Variants in TM7SF3 observed in about 807,000 individuals in gnomAD.
The protein encoded by TM7SF3 is transmembrane 7 superfamily member 3.
Under a neutral mutation model 65.5 loss-of-function variants are expected in TM7SF3, and 60 were observed. The observed-to-expected ratio is 0.92, with a 90% CI of 0.74 to 1.14. TM7SF3 has a LOEUF of 1.14. TM7SF3 is among the 50% of genes most tolerant of loss of function. TM7SF3 has a pLI of 0.00. For missense variants in TM7SF3, 623 were observed against 684.8 expected (o/e 0.91, Z 1.01); for synonymous variants, 264 against 259.6 (o/e 1.02, Z -0.16).
At chr12:26,980,010 C>T (rs117470211) in intron 8 of TM7SF3, 74 bp from the exon 9 acceptor site, 156 of 1,558,876 alleles carry the variant, frequency 1.0e-4, no homozygotes, top group East Asian at 6.1e-4. Flanking sequence ...CATACAATAC[C>T]GTTACCAGTG....
intron 6 of TM7SF3, among the ~76,000 whole-genome samples, chr12:26,985,652 A>AAATAT (rs1565872267): frequency 1.5e-3 from 59 of 39,114 alleles, no homozygotes; most frequent in Non-Finnish European, 2.4e-3. Context: ...AAAAAAAAAA[A>AAATAT]ATATATATAT....
chr12:26,985,879 T>G (rs1940066834), intron 6 of TM7SF3, among the ~76,000 whole-genome samples: 1 of 109,702 alleles, frequency 9.1e-6, no homozygotes. Flanking sequence ...AGTGGCGCGA[T>G]CTTGGCTCAC....
chr12:27,006,735 T>C (rs188002312), intron 1 of TM7SF3, among the ~76,000 whole-genome samples: 110 of 152,332 alleles, frequency 7.2e-4, no homozygotes, highest in African/African-American at 2.5e-3. Context: ...ATGTTTGATA[T>C]TGCCCATTTA....
At chr12:27,002,909 T>A (rs1184134596) in intron 2 of TM7SF3, among the ~76,000 whole-genome samples, 1 of 152,208 alleles carries the variant, frequency 6.6e-6, no homozygotes, top group Non-Finnish European at 1.5e-5. Context: ...GTAAAAGTTA[T>A]TAAGGCCCCA....
Position 26,982,802 on chromosome 12 carries a change from C to G in TM7SF3, c.926G>C (p.Cys309Ser). The G allele has an allele frequency of 1.2e-6, 2 of 1,609,058 alleles. No homozygotes were observed. The highest frequency in any genetic ancestry group is 1.7e-6 in the Non-Finnish European group (2 of 1,178,474). ...TLFALLGFFI[C>S]FFGHRFWKTE... ...TTTCCAGAATCTGTGTCCAAAGAAA[C>G]AAATGAAGAAACCAAGCAGGGCAAA... The change falls in exon 7 of 12, where the codon TGT (cysteine) becomes TCT (serine). Residue 309 changes from cysteine to serine, a missense_variant. Transcript: ENST00000343028.
intron 6 of TM7SF3, among the ~76,000 whole-genome samples, chr12:26,987,630 G>T (rs1940157599): frequency 6.6e-6 from 1 of 152,184 alleles, no homozygotes; most frequent in South Asian, 2.1e-4. Context: ...GAGCAGGATG[G>T]CAACAAATAA....
intron 6 of TM7SF3, chr12:26,983,524 G>A: frequency 2.2e-6 from 1 of 454,420 alleles, no homozygotes; most frequent in Non-Finnish European, 4.4e-6. Flanking sequence ...GATGACCAGG[G>A]ATTTGCTTTA....
chr12:26,978,815 C>G (rs1043312606), intron 9 of TM7SF3: 1 of 150,846 alleles, frequency 6.6e-6, no homozygotes, highest in African/African-American at 2.4e-5. Flanking sequence ...AACTTGAGCT[C>G]AAGCAATCCT....
chr12:26,984,217 G>A (rs1247856503), intron 6 of TM7SF3, among the ~76,000 whole-genome samples: 1 of 152,134 alleles, frequency 6.6e-6, no homozygotes, highest in Non-Finnish European at 1.5e-5. Flanking sequence ...ATCACTTGAG[G>A]TCAGGAGTTT....
In TM7SF3 at chr12:26,995,401, C is replaced by T; in HGVS notation, c.526G>A (p.Asp176Asn). ...GTCCCAGCGTCACATGGTGGGGGAT[C>T]TACGCCTCTAAAGTCAACCAACAAA... ...PANLGYARGV[D>N]PPPCDAGTDQ... is the part of the protein sequence containing the mutation. Residue 176 changes from aspartate to asparagine, a missense_variant, in exon 5 of 12, where the codon GAT (aspartate) becomes AAT (asparagine). Physicochemically the swap from Asp to Asn is conservative, Grantham distance 23. Coordinates refer to ENST00000343028, the MANE Select transcript of TM7SF3 (RefSeq NM_016551.3). 1 of 1,614,192 alleles carries T rather than the reference C, an allele frequency of 6.2e-7. No homozygotes were observed.
intron 1 of TM7SF3, among the ~76,000 whole-genome samples, chr12:27,010,687 T>C (rs944233499): frequency 4.6e-5 from 7 of 152,250 alleles, no homozygotes; most frequent in African/African-American, 1.2e-4. Context: ...CAAAAGATAT[T>C]ACAAAGCAAA....
chr12:27,000,741 G>A (rs1373245325), intron 2 of TM7SF3, among the ~76,000 whole-genome samples: 1 of 152,168 alleles, frequency 6.6e-6, no homozygotes, highest in Non-Finnish European at 1.5e-5. Context: ...TTACAGGCGT[G>A]AGCCACCGTG....
intron 5 of TM7SF3, among the ~76,000 whole-genome samples, chr12:26,994,452 T>C (rs1031139450): frequency 9.9e-5 from 15 of 152,206 alleles, no homozygotes; most frequent in African/African-American, 3.6e-4. Context: ...GTTCAAACAA[T>C]TCTCCTGCCT....
At chr12:26,983,932 C>A (rs904812448) in intron 6 of TM7SF3, among the ~76,000 whole-genome samples, 1 of 152,204 alleles carries the variant, frequency 6.6e-6, no homozygotes, top group South Asian at 2.1e-4. Context: ...TGAACTAAAA[C>A]CCAAAACAAG....
chr12:26,974,015 G>C lies in TM7SF3; in HGVS notation c.1663C>G (p.Leu555Val), dbSNP rs753062266. 1.1e-5 allele frequency: 17 copies of C among 1,614,088 alleles called. No individual in the cohort carries two copies. The highest frequency in any genetic ancestry group is 1.4e-5 in the Non-Finnish European group (16 of 1,180,046). ...CCAGCTGGCTGCTCCTTCTGGAAGA[G>C]CCCTTTAATCTGGGTTAATCGGCCA... ...LYGRLTQIKG[L>V]FQKEQPAGER... The change falls in exon 12 of 12, where the codon CTC (leucine) becomes GTC (valine). Residue 555 changes from leucine to valine, a missense_variant. Transcript: ENST00000343028.
intron 6 of TM7SF3, chr12:26,983,527 T>G (rs1256678294): frequency 2.2e-6 from 1 of 454,478 alleles, no homozygotes; most frequent in African/African-American, 2.0e-5. Flanking sequence ...GACCAGGGAT[T>G]TGCTTTAAAA....
chr12:27,005,403 CACAA>C (rs1341803421), intron 1 of TM7SF3, among the ~76,000 whole-genome samples: 1 of 152,198 alleles, frequency 6.6e-6, no homozygotes, highest in Non-Finnish European at 1.5e-5. Context: ...TCAAAACTGA[CACAA>C]ACAAATTCAT....
chr12:26,993,761 T>C (rs544013577), intron 5 of TM7SF3, among the ~76,000 whole-genome samples: 1 of 152,356 alleles, frequency 6.6e-6, no homozygotes, highest in East Asian at 1.9e-4. Flanking sequence ...TCTACATATA[T>C]TAGCCAGCAC....
intron 6 of TM7SF3, among the ~76,000 whole-genome samples, chr12:26,984,449 C>CCA (rs1555215859): frequency 2.8e-5 from 4 of 141,612 alleles, no homozygotes; most frequent in East Asian, 4.1e-4. Flanking sequence ...AAACGAAAAA[C>CCA]AAAAAAAAAA....
Sources: allele counts gnomAD v4.1 joint callset (sites outside exome capture counted in the v4.1 genomes callset), GRCh38; gene constraint gnomAD v4.1.1; transcripts MANE v1.5; gene names NCBI Gene and HGNC (gene_info 2026-07-23, HGNC 2026-07-21).